Variants in LRRTM4 observed in about 807,000 individuals in gnomAD.
LRRTM4 encodes leucine rich repeat transmembrane neuronal 4, also known as leucine-rich repeat transmembrane neuronal protein 4.
In LRRTM4, 25 loss-of-function variants were observed where a neutral mutation model predicts 47.6. That is an observed-to-expected ratio of 0.53 (90% CI 0.38 to 0.73). The LOEUF is 0.73. LRRTM4 is among the 30% of genes least tolerant of loss of function. LRRTM4 has a pLI of 0.00. For synonymous variants in LRRTM4, 311 were observed against 269.5 expected (o/e 1.15, Z -1.51); for missense variants, 638 against 713.4 (o/e 0.89, Z 1.20).
At chr2:77,302,243 C>T (rs290047) in intron 3 of LRRTM4, among the ~76,000 whole-genome samples, 24,376 of 152,132 alleles carry the variant, frequency 0.16, 3,863 homozygotes, top group African/African-American at 0.41. Context: ...AATAATTGAG[C>T]CACAACACCA....
intron 3 of LRRTM4, among the ~76,000 whole-genome samples, chr2:76,852,876 A>G (rs1429156822): frequency 6.6e-6 from 1 of 152,198 alleles, no homozygotes; most frequent in Non-Finnish European, 1.5e-5. Flanking sequence ...TAGAGGACAC[A>G]TCAATGCAGA....
chr2:76,873,022 G>A (rs1048992772), intron 3 of LRRTM4, among the ~76,000 whole-genome samples: 1 of 152,064 alleles, frequency 6.6e-6, no homozygotes, highest in East Asian at 1.9e-4. Flanking sequence ...ATAGCCTGTA[G>A]AATGATGAGC....
chr2:76,757,157 A>G (rs1356963821), intron 3 of LRRTM4, among the ~76,000 whole-genome samples: 1 of 152,124 alleles, frequency 6.6e-6, no homozygotes, highest in East Asian at 1.9e-4. Context: ...AATGTACAAT[A>G]CTCAACACAC....
intron 3 of LRRTM4, among the ~76,000 whole-genome samples, chr2:77,161,026 G>T (rs563051423): frequency 6.6e-6 from 1 of 152,210 alleles, no homozygotes; most frequent in South Asian, 2.1e-4. Context: ...AGATCATGCA[G>T]ACCCCCTCGA....
At chr2:76,919,214 C>A (rs779160002) in intron 3 of LRRTM4, among the ~76,000 whole-genome samples, 2 of 152,110 alleles carry the variant, frequency 1.3e-5, no homozygotes, top group African/African-American at 4.8e-5. Flanking sequence ...CAATCATATA[C>A]GCACCTAACA....
chr2:77,026,410 C>A (rs1242573854), intron 3 of LRRTM4, among the ~76,000 whole-genome samples: 1 of 152,066 alleles, frequency 6.6e-6, no homozygotes, highest in African/African-American at 2.4e-5. Flanking sequence ...ATCCTAAATG[C>A]TTGGTTTTTA....
intron 3 of LRRTM4, among the ~76,000 whole-genome samples, chr2:77,347,427 T>A (rs1450771812): frequency 6.6e-6 from 1 of 152,180 alleles, no homozygotes; most frequent in African/African-American, 2.4e-5. Context: ...TATTGGACTA[T>A]TTATTTATAT....
In LRRTM4 at chr2:77,290,879, C is replaced by T. The variant is rs151332947; in HGVS notation, c.1551+227439G>A. 3.2e-3 allele frequency among the ~76,000 whole-genome samples: 487 copies of T among 152,106 alleles called. 1 individual carries two copies. The highest frequency in any genetic ancestry group is 0.011 in the African/African-American group (466 of 41,528). ...TTAGAATTTGCGCTTTTCCGAGTTGCATCAGCTCCCTGATATGTTGTTCAT... is the reference window on the plus strand; with the variant it reads ...TTAGAATTTGCGCTTTTCCGAGTTGTATCAGCTCCCTGATATGTTGTTCAT... On this transcript the variant is annotated intron_variant, in intron 3 of 3. Coordinates refer to ENST00000409884, the MANE Select transcript of LRRTM4 (RefSeq NM_001134745.3).
At chr2:77,341,630 C>A (rs1220497515) in intron 3 of LRRTM4, among the ~76,000 whole-genome samples, 1 of 152,004 alleles carries the variant, frequency 6.6e-6, no homozygotes, top group Non-Finnish European at 1.5e-5. Flanking sequence ...GATTCAGTAA[C>A]TATCTGTTGA....
intron 3 of LRRTM4, among the ~76,000 whole-genome samples, chr2:77,154,771 G>T (rs2103792980): frequency 6.6e-6 from 1 of 152,202 alleles, no homozygotes; most frequent in Non-Finnish European, 1.5e-5. Context: ...GAATGTTGAT[G>T]GGTCTCTGTA....
At chr2:76,942,974 G>A (rs1020285280) in intron 3 of LRRTM4, among the ~76,000 whole-genome samples, 2 of 152,014 alleles carry the variant, frequency 1.3e-5, no homozygotes, top group Non-Finnish European at 2.9e-5. Context: ...ACGTTTCCTA[G>A]TCCTTTTCCC....
intron 3 of LRRTM4, among the ~76,000 whole-genome samples, chr2:77,108,966 A>C (rs1317705347): frequency 6.6e-6 from 1 of 152,238 alleles, no homozygotes; most frequent in Non-Finnish European, 1.5e-5. Context: ...TTCTGTTAAC[A>C]TAGCAGACCA....
chr2:77,104,964 G>A (rs1026376059), intron 3 of LRRTM4, among the ~76,000 whole-genome samples: 16 of 151,940 alleles, frequency 1.1e-4, no homozygotes, highest in African/African-American at 3.6e-4. Flanking sequence ...TTCAAAAAAT[G>A]GCAAGAGAGT....
chr2:76,874,036 C>T (rs74485747), intron 3 of LRRTM4, among the ~76,000 whole-genome samples: 2,754 of 151,794 alleles, frequency 0.018, 46 homozygotes, highest in Non-Finnish European at 0.028. Flanking sequence ...AACATTTACT[C>T]CCCCCAGAGC....
intron 3 of LRRTM4, among the ~76,000 whole-genome samples, chr2:77,011,536 T>C (rs397870238): frequency 0.23 from 13,731 of 60,484 alleles, 795 homozygotes; most frequent in Middle Eastern, 0.34. Context: ...AGCATTTGTG[T>C]GTGTGTGTGT....
intron 3 of LRRTM4, among the ~76,000 whole-genome samples, chr2:77,311,656 T>C (rs1677460976): frequency 6.6e-6 from 1 of 152,156 alleles, no homozygotes; most frequent in Non-Finnish European, 1.5e-5. Flanking sequence ...TAGCAGCAGG[T>C]GTGATGCTGA....
chr2:76,963,109 G>C (rs1246545202), intron 3 of LRRTM4, among the ~76,000 whole-genome samples: 9 of 150,678 alleles, frequency 6.0e-5, no homozygotes, highest in Non-Finnish European at 1.2e-4. Context: ...TTATTTAATT[G>C]ATCAATAAAT....
chr2:77,002,461 A>G (rs1003577333), intron 3 of LRRTM4, among the ~76,000 whole-genome samples: 3 of 152,174 alleles, frequency 2.0e-5, no homozygotes, highest in Non-Finnish European at 4.4e-5. Context: ...CTGTTTCCCC[A>G]TAACCACCAT....
chr2:76,833,635 T>A (rs560055486), intron 3 of LRRTM4, among the ~76,000 whole-genome samples: 7 of 152,074 alleles, frequency 4.6e-5, no homozygotes, highest in Admixed American at 4.6e-4. Flanking sequence ...CATTAATAAA[T>A]ACATATTTGT....
Sources: allele counts gnomAD v4.1 joint callset (sites outside exome capture counted in the v4.1 genomes callset), GRCh38; gene constraint gnomAD v4.1.1; transcripts MANE v1.5; gene names NCBI Gene and HGNC (gene_info 2026-07-23, HGNC 2026-07-21).